PEAR1: variants seen among roughly 807,000 people sequenced by gnomAD.
PEAR1 encodes multiple EGF-like domains protein 12.
PEAR1 carries 113 observed loss-of-function variants against 131.2 expected under a neutral mutation model. That is an observed-to-expected ratio of 0.86 (90% confidence interval 0.74 to 1.01). PEAR1 has a LOEUF of 1.01. PEAR1 is among the 50% of genes least tolerant of loss of function. PEAR1 has a pLI of 0.00. For synonymous variants in PEAR1, 565 were observed against 523.3 expected, an observed-to-expected ratio of 1.08 and a Z score of -1.09; for missense variants, 1,408 against 1,391.1, an observed-to-expected ratio of 1.01 and a Z score of -0.19.
Position 156,905,431 on chromosome 1 carries a change from C to G in PEAR1, c.307+7C>G. The G allele has an allele frequency of 6.3e-7, 1 of 1,597,038 alleles. No individual in the cohort carries two copies. Among genetic ancestry groups the G allele is most frequent in the South Asian group, 1.1e-5 (1 of 88,910 alleles). On this transcript the variant is annotated splice_region_variant and intron_variant, in intron 4 of 22. Transcript: ENST00000292357. The stretch of plus-strand genomic sequence containing the variant: ...AGCAGGGGGTTCTGTGTCCGTGAGT[C>G]CAGGGTTGGGTTAGGGAGCGGGGTG...
intron 1 of PEAR1, among the ~76,000 whole-genome samples, chr1:156,895,372 C>T (rs1359626642): frequency 6.6e-5 from 10 of 152,220 alleles, no homozygotes; most frequent in Non-Finnish European, 7.3e-5. Context: ...CCAGGTGGAG[C>T]CTCCACCACG....
intron 17 of PEAR1, 38 bp from the exon 18 acceptor site, chr1:156,912,732 C>T: frequency 1.9e-6 from 3 of 1,613,266 alleles, no homozygotes; most frequent in Middle Eastern, 1.7e-4. Context: ...GCAGCAGAGC[C>T]AAGATGCCAT....
chr1:156,898,834 G>A (rs867499014), intron 1 of PEAR1, among the ~76,000 whole-genome samples: 25 of 152,302 alleles, frequency 1.6e-4, no homozygotes, highest in Middle Eastern at 6.8e-3. Context: ...TAAATACACC[G>A]TGCAACTGTA....
Position 156,913,997 on chromosome 1 carries a change from T to TC in PEAR1, c.2865dup (p.Arg956GlnfsTer33). ...AGATGAAAGGCCCTCCCTCAGGATC[T>TC]CCCCCCAGGCAGCCTCCTCAGTTCT... On this transcript the variant is annotated frameshift_variant, in exon 22 of 23. Coordinates refer to ENST00000292357, the MANE Select transcript of PEAR1 (RefSeq NM_001080471.3). LOFTEE classifies it high-confidence loss of function. The TC allele has an allele frequency of 6.2e-7, 1 of 1,612,688 alleles. No homozygotes were observed. The highest frequency in any genetic ancestry group is 2.2e-5 in the East Asian group (1 of 44,818).
chr1:156,905,092 G>C (rs80234949), intron 3 of PEAR1: 296 of 988,832 alleles, frequency 3.0e-4, no homozygotes, highest in Non-Finnish European at 4.2e-4. Flanking sequence ...TGGGGGGGGG[G>C]CAAGAAGGGA....
intron 1 of PEAR1, among the ~76,000 whole-genome samples, chr1:156,899,500 G>A (rs1025118932): frequency 3.9e-5 from 6 of 152,064 alleles, no homozygotes; most frequent in East Asian, 1.9e-4. Context: ...CAGCATTTGC[G>A]GCCCCATTCC....
intron 1 of PEAR1, among the ~76,000 whole-genome samples, chr1:156,897,472 G>T (rs921473584): frequency 5.9e-5 from 9 of 152,204 alleles, no homozygotes; most frequent in African/African-American, 1.9e-4. Context: ...CCCTGGGTTG[G>T]CCTGGGTGAG....
chr1:156,911,136 TTTCTTTTC>T (rs1651103763), intron 15 of PEAR1, among the ~76,000 whole-genome samples: 1 of 149,398 alleles, frequency 6.7e-6, no homozygotes, highest in South Asian at 2.1e-4. Context: ...CTTTCCTTTC[TTTCTTTTC>T]TTTCTTTCTT....
intron 1 of PEAR1, among the ~76,000 whole-genome samples, chr1:156,901,600 C>T (rs774290658): frequency 5.9e-5 from 9 of 152,214 alleles, no homozygotes; most frequent in Admixed American, 3.3e-4. Flanking sequence ...AGATGAGGCT[C>T]ACCCAGGGAC....
chr1:156,909,672 G>T, intron 11 of PEAR1, 79 bp from the exon 12 acceptor site: 3 of 1,460,962 alleles, frequency 2.1e-6, no homozygotes, highest in Non-Finnish European at 2.8e-6. Flanking sequence ...CATAGAATCT[G>T]GCCCAGCCAG....
At chr1:156,909,641 C>G in intron 11 of PEAR1, 110 bp from the exon 12 acceptor site, 5 of 1,272,280 alleles carry the variant, frequency 3.9e-6, no homozygotes, top group Non-Finnish European at 5.4e-6. Context: ...GTGAACACCC[C>G]CCACCCACCC....
intron 2 of PEAR1, among the ~76,000 whole-genome samples, chr1:156,904,467 T>C (rs537371686): frequency 3.3e-5 from 5 of 152,166 alleles, no homozygotes; most frequent in Admixed American, 1.3e-4. Flanking sequence ...ACCCTTTCCA[T>C]ACAGGGAGGA....
intron 1 of PEAR1, among the ~76,000 whole-genome samples, chr1:156,899,854 T>A (rs552151205): frequency 1.3e-5 from 2 of 152,266 alleles, no homozygotes; most frequent in South Asian, 4.1e-4. Flanking sequence ...GGTTATCCTA[T>A]GCTACATGAC....
chr1:156,909,021 T>G lies in PEAR1; in HGVS notation c.1396T>G (p.Cys466Gly), dbSNP rs1570972151. The G allele has an allele frequency of 6.2e-7, 1 of 1,613,882 alleles. No individual in the cohort carries two copies. The highest frequency in any genetic ancestry group is 8.5e-7 in the Non-Finnish European group (1 of 1,179,988). The part of the protein sequence containing the change: ...AIACSPIDGE[C>G]VCKEGWQRGN... ...CGCCTGCTCACCCATCGACGGCGAGTGCGTCTGCAAGGAAGGTAATAGGGT... is the reference window on the plus strand; with the variant it reads ...CGCCTGCTCACCCATCGACGGCGAGGGCGTCTGCAAGGAAGGTAATAGGGT... Residue 466 changes from cysteine (C) to glycine (G), a missense_variant, in exon 11 of 23, where the codon TGC (cysteine) becomes GGC (glycine). Transcript: ENST00000292357.
In PEAR1 at chr1:156,912,620, T is replaced by C. The variant is rs768900030; in HGVS notation, c.2207T>C (p.Ile736Thr). ...PPGHSGAPCR[I>T]GIQEPFTVMP... is the part of the protein sequence containing the mutation. ...GGGCACAGTGGTGCACCTTGCAGGA[T>C]TGGTGAGTTCTTTGCCCTCTCCTTC... Residue 736 changes from isoleucine to threonine, a missense_variant and splice_region_variant, in exon 17 of 23, where the codon ATT becomes ACT. Ile to Thr is a moderately conservative substitution (Grantham distance 89, BLOSUM62 -1). Coordinates refer to ENST00000292357, the MANE Select transcript of PEAR1 (RefSeq NM_001080471.3). The C allele has an allele frequency of 6.2e-7, 1 of 1,613,216 alleles. No individual in the cohort carries two copies. Among genetic ancestry groups the C allele is most frequent in the Non-Finnish European group, 8.5e-7 (1 of 1,179,588 alleles).
rs1651546629 is a variant in PEAR1 at position 156,913,728 on chromosome 1, A to G, written c.2681A>G (p.Tyr894Cys). ...SRLDRSYSYS[Y>C]SNGPGPFYNK... Reference sequence around the variant, plus strand: ...CTGGACCGAAGCTACAGCTATAGCTACAGCAATGGCCCAGGCCCATTCTAC... The same window carrying G: ...CTGGACCGAAGCTACAGCTATAGCTGCAGCAATGGCCCAGGCCCATTCTAC... Residue 894 changes from tyrosine (Y) to cysteine (C), a missense_variant, in exon 21 of 23, where the codon TAC (tyrosine) becomes TGC (cysteine). Tyr to Cys is a radical substitution (Grantham distance 194, BLOSUM62 -2). Coordinates refer to ENST00000292357, the MANE Select transcript of PEAR1 (RefSeq NM_001080471.3). The G allele has an allele frequency of 6.2e-7, 1 of 1,613,974 alleles. No individual in the cohort carries two copies. Among genetic ancestry groups the G allele is most frequent in the Non-Finnish European group, 8.5e-7 (1 of 1,180,012 alleles).
At chr1:156,906,968 G>A (rs1262127836) in intron 6 of PEAR1, 88 bp downstream of exon 6, 8 of 1,490,124 alleles carry the variant, frequency 5.4e-6, no homozygotes, top group Non-Finnish European at 7.2e-6. Flanking sequence ...ACTCAGACAG[G>A]GCCCCAAGTG....
At position 156,906,382 on chromosome 1, in the gene PEAR1, G is replaced by C; in HGVS notation, c.400+14G>C. The C allele has an allele frequency of 2.5e-6, 4 of 1,612,768 alleles. No individual in the cohort carries two copies. Among genetic ancestry groups the C allele is most frequent in the Non-Finnish European group, 3.4e-6 (4 of 1,178,762 alleles). The stretch of plus-strand genomic sequence containing the variant: ...ACTGTTCCAGTGGTGAGTGGCTACT[G>C]ACCCCAGGGAGTGGCCTCTTGTGCC... On this transcript the variant is annotated intron_variant, in intron 5 of 22. Transcript: ENST00000292357.
intron 15 of PEAR1, 63 bp from the exon 16 acceptor site, chr1:156,912,184 G>A (rs1048411312): frequency 6.5e-6 from 10 of 1,549,308 alleles, no homozygotes; most frequent in Admixed American, 3.9e-5. Flanking sequence ...GATGCTGGGG[G>A]CTGAGAGTTC....
Sources: allele counts gnomAD v4.1 joint callset (sites outside exome capture counted in the v4.1 genomes callset), GRCh38; gene constraint gnomAD v4.1.1; transcripts MANE v1.5; gene names NCBI Gene and HGNC (gene_info 2026-07-23, HGNC 2026-07-21).